The following ADAMTSL1 variants were observed in gnomAD, a reference collection of about 807,000 sequenced individuals.
ADAMTSL1 encodes the protein ADAMTS like 1.
Under a neutral mutation model 201.8 loss-of-function variants are expected in ADAMTSL1, and 126 were observed. The observed-to-expected ratio is 0.62, with a 90% CI of 0.54 to 0.72. The LOEUF is 0.72. Among genes scored for constraint, ADAMTSL1 ranks in the 30% least tolerant of loss-of-function variants. The pLI, the probability that ADAMTSL1 is intolerant of heterozygous loss-of-function variation, is 0.00. For synonymous variants in ADAMTSL1, 1,121 were observed against 903.4 expected (o/e 1.24, Z -4.32); for missense variants, 2,679 against 2,277.8 (o/e 1.18, Z -3.59).
chr9:18,829,908 C>A lies in ADAMTSL1; in HGVS notation c.4180C>A (p.Leu1394Ile). ...RALLAATGPNLPSVLTSPLGT... is the reference protein window; with the variant it reads ...RALLAATGPNIPSVLTSPLGT... ...CTTGCTCGCTGCCACTGGACCGAAC[C>A]TTCCTTCAGTGCTGACGTCTCCTCT... is the stretch of plus-strand genomic sequence containing the variant. The change falls in exon 23 of 29, where the codon CTT (leucine) becomes ATT (isoleucine). Residue 1394 changes from leucine (L) to isoleucine (I), a missense_variant. Coordinates refer to ENST00000380548, the MANE Select transcript of ADAMTSL1 (RefSeq NM_001040272.6). 1 of 1,613,944 alleles carries A rather than the reference C, an allele frequency of 6.2e-7. No homozygotes were observed. The highest frequency in any genetic ancestry group is 1.6e-4 in the Middle Eastern group (1 of 6,062).
At chr9:18,701,844 G>A (rs1252786855) in intron 13 of ADAMTSL1, among the ~76,000 whole-genome samples, 1 of 152,104 alleles carries the variant, frequency 6.6e-6, no homozygotes, top group African/African-American at 2.4e-5. Context: ...ACATATATGA[G>A]AAAGGAAGAG....
At position 18,022,738 on chromosome 9, in the gene ADAMTSL1, A is replaced by T. The variant is rs114879608; in HGVS notation, c.87+115816A>T. 9.9e-3 allele frequency among the ~76,000 whole-genome samples: 1,506 copies of T among 152,320 alleles called. 22 individuals carry two copies. Among genetic ancestry groups the T allele is most frequent in the African/African-American group, 0.034 (1,428 of 41,582 alleles). Reference sequence around the variant, plus strand: ...CAAAATATATAAAGAAGCATGATTTATGCATGTGCTGAATTCTTCTTTCCT... The same window carrying T: ...CAAAATATATAAAGAAGCATGATTTTTGCATGTGCTGAATTCTTCTTTCCT... On this transcript the variant is annotated intron_variant, in intron 1 of 29. Transcript: ENST00000680146.
At chr9:18,855,699 T>G (rs966952049) in intron 23 of ADAMTSL1, among the ~76,000 whole-genome samples, 31 of 152,214 alleles carry the variant, frequency 2.0e-4, no homozygotes, top group Non-Finnish European at 4.4e-4. Context: ...TCCATTATGA[T>G]TATGGAATTC....
At chr9:18,712,299 C>T (rs370823272) in intron 14 of ADAMTSL1, among the ~76,000 whole-genome samples, 36 of 152,232 alleles carry the variant, frequency 2.4e-4, no homozygotes, top group African/African-American at 4.3e-4. Flanking sequence ...CAAATTACTC[C>T]GAGCTATGGG....
At chr9:18,295,075 G>T (rs189264958) in intron 2 of ADAMTSL1, among the ~76,000 whole-genome samples, 1 of 152,014 alleles carries the variant, frequency 6.6e-6, no homozygotes, top group African/African-American at 2.4e-5. Flanking sequence ...TGTGTGTGTG[G>T]CATGCTGCTG....
At chr9:18,599,558 A>G (rs1266213826) in intron 4 of ADAMTSL1, among the ~76,000 whole-genome samples, 3 of 152,140 alleles carry the variant, frequency 2.0e-5, no homozygotes, top group Admixed American at 6.5e-5. Flanking sequence ...TGTCAAGGCT[A>G]TTTGGGTTTA....
rs201339257 is a variant in ADAMTSL1 at position 18,775,870 on chromosome 9, G to A, written c.2525G>A (p.Arg842Lys). 116 of 1,600,020 alleles carry A rather than the reference G, an allele frequency of 7.2e-5. No homozygotes were observed. The African/African-American group carries it at 1.2e-3, about 17-fold the overall frequency. The part of the protein sequence containing the change: ...CPPLPFSSSI[R>K]PCMLATCARP... The stretch of plus-strand genomic sequence containing the variant: ...CCCCTGCCTTTCTCTTCCTCCATCA[G>A]GCCCTGTATGCTGGCAACCTGTGCA... Residue 842 changes from arginine (R) to lysine (K), a missense_variant, in exon 18 of 29, where the codon AGG becomes AAG. Arg to Lys is a conservative substitution (Grantham distance 26). Transcript: ENST00000380548.
chr9:18,713,497 AAAG>A (rs1832733716), intron 14 of ADAMTSL1, among the ~76,000 whole-genome samples: 1 of 152,148 alleles, frequency 6.6e-6, no homozygotes, highest in Non-Finnish European at 1.5e-5. Context: ...CAAAAGAGAC[AAAG>A]AAGGCCATTA....
chr9:18,877,824 G>A (rs1828265569), intron 23 of ADAMTSL1, among the ~76,000 whole-genome samples: 1 of 152,134 alleles, frequency 6.6e-6, no homozygotes, highest in Admixed American at 6.5e-5. Context: ...AGTGGGCAGG[G>A]CCACAGATCT....
intron 2 of ADAMTSL1, among the ~76,000 whole-genome samples, chr9:18,256,629 G>A (rs898691939): frequency 2.6e-5 from 4 of 152,238 alleles, no homozygotes; most frequent in African/African-American, 9.6e-5. Flanking sequence ...AGGAGCCAGT[G>A]CTATAGTAGG....
intron 2 of ADAMTSL1, among the ~76,000 whole-genome samples, chr9:18,167,437 AAGG>A (rs1827683095): frequency 1.3e-5 from 2 of 152,008 alleles, no homozygotes; most frequent in South Asian, 2.1e-4. Flanking sequence ...GAGCTTTCAG[AAGG>A]AGATCTTCAG....
chr9:18,048,432 A>C (rs1367899979), intron 1 of ADAMTSL1, among the ~76,000 whole-genome samples: 2 of 152,200 alleles, frequency 1.3e-5, no homozygotes, highest in Non-Finnish European at 2.9e-5. Flanking sequence ...AGAAAATCTG[A>C]GTAGAGTATG....
In ADAMTSL1 at chr9:18,868,702, T is replaced by A. The variant is rs1414891352; in HGVS notation, c.4250-19129T>A. On this transcript the variant is annotated intron_variant, in intron 23 of 28. Coordinates refer to ENST00000380548, the MANE Select transcript of ADAMTSL1 (RefSeq NM_001040272.6). The stretch of plus-strand genomic sequence containing the variant: ...GATTTTAACCTGATGCACGTACATC[T>A]TCAGTTGGGCAAAATCTCAAGAGGA... Among the ~76,000 whole-genome samples, 3 of 152,220 alleles carry A rather than the reference T, an allele frequency of 2.0e-5. No homozygotes were observed. The South Asian group carries it at 6.2e-4, about 31-fold the overall frequency.
chr9:18,591,649 T>C (rs1823922866), intron 4 of ADAMTSL1, among the ~76,000 whole-genome samples: 1 of 152,192 alleles, frequency 6.6e-6, no homozygotes, highest in Non-Finnish European at 1.5e-5. Context: ...ATTAGGTTGG[T>C]GCAAAAGTTA....
chr9:17,928,136 A>G (rs947306037), intron 1 of ADAMTSL1, among the ~76,000 whole-genome samples: 2 of 151,938 alleles, frequency 1.3e-5, no homozygotes, highest in African/African-American at 4.8e-5. Context: ...CTGGGACTAC[A>G]GGGATACGCC....
At chr9:18,188,000 T>C (rs983916464) in intron 2 of ADAMTSL1, among the ~76,000 whole-genome samples, 2 of 152,044 alleles carry the variant, frequency 1.3e-5, no homozygotes, top group Non-Finnish European at 2.9e-5. Context: ...TACTGTAGAG[T>C]GTGAAAAATA....
chr9:17,916,964 G>A (rs779987357), intron 1 of ADAMTSL1, among the ~76,000 whole-genome samples: 2 of 152,064 alleles, frequency 1.3e-5, no homozygotes, highest in Non-Finnish European at 2.9e-5. Flanking sequence ...CAATATTTTA[G>A]TGTACAAGTG....
intron 2 of ADAMTSL1, among the ~76,000 whole-genome samples, chr9:18,261,564 TA>T (rs550872139): frequency 2.2e-4 from 34 of 152,324 alleles, no homozygotes; most frequent in African/African-American, 8.2e-4. Context: ...GTTTTTCAAG[TA>T]AATATTTGGT....
At chr9:18,321,023 A>G (rs1209010437) in intron 2 of ADAMTSL1, among the ~76,000 whole-genome samples, 1 of 152,156 alleles carries the variant, frequency 6.6e-6, no homozygotes, top group Non-Finnish European at 1.5e-5. Flanking sequence ...CATGGACAGA[A>G]TGAATTAAAC....
Sources: gnomAD v4.1 joint callset for allele counts (sites outside exome capture counted in the v4.1 genomes callset) on GRCh38, gnomAD v4.1.1 for gene constraint, MANE v1.5 for transcripts, NCBI Gene and HGNC (gene_info 2026-07-23, HGNC 2026-07-21) for gene names.